The following NPC1 variants were observed in gnomAD, a reference collection of about 807,000 sequenced individuals.
NPC1 encodes NPC intracellular cholesterol transporter 1.
Under a neutral mutation model 140.4 loss-of-function variants are expected in NPC1, and 85 were observed. That is an observed-to-expected ratio of 0.61 (90% CI 0.51 to 0.72). NPC1 has a LOEUF of 0.72. Ranked by LOEUF, NPC1 falls within the 30% of genes least tolerant of loss-of-function variation. The probability of loss-of-function intolerance (pLI) is 0.00; values close to 1 mark genes in which losing one functional copy is unlikely to be tolerated. For synonymous variants in NPC1, 656 were observed against 624.8 expected (o/e 1.05, Z -0.74); for missense variants, 1,504 against 1,623.8 (o/e 0.93, Z 1.27).
chr18:23,533,329 C>G, intron 24 of NPC1, 26 bp downstream of exon 24: 1 of 1,608,478 alleles, frequency 6.2e-7, no homozygotes. Flanking sequence ...TCTATTGTGC[C>G]ACCCTTTTAA....
intron 1 of NPC1, among the ~76,000 whole-genome samples, chr18:23,575,068 G>A (rs1057182567): frequency 1.3e-5 from 2 of 152,196 alleles, no homozygotes; most frequent in East Asian, 3.8e-4. Context: ...CCTAGACCTC[G>A]CAGAACTCTC....
intron 4 of NPC1, among the ~76,000 whole-genome samples, chr18:23,567,678 T>C (rs1231463264): frequency 6.6e-6 from 1 of 152,158 alleles, no homozygotes; most frequent in African/African-American, 2.4e-5. Flanking sequence ...GCATTTAGAG[T>C]TTCTCTAAGG....
At chr18:23,515,155 T>A (rs920404277) in intron 3 of NPC1, among the ~76,000 whole-genome samples, 1 of 152,168 alleles carries the variant, frequency 6.6e-6, no homozygotes, top group Admixed American at 6.5e-5. Flanking sequence ...GGCCGTTTCC[T>A]GGATGAGGAG....
At chr18:23,537,486 T>C (rs1202924572) in intron 20 of NPC1, among the ~76,000 whole-genome samples, 1 of 152,154 alleles carries the variant, frequency 6.6e-6, no homozygotes. Context: ...TGTTGTGTAA[T>C]AGGAAGCAGG....
chr18:23,581,624 G>A (rs2059356610), intron 1 of NPC1, among the ~76,000 whole-genome samples: 1 of 152,028 alleles, frequency 6.6e-6, no homozygotes, highest in South Asian at 2.1e-4. Context: ...TTTGTCTCTA[G>A]TCTTATGTAA....
At chr18:23,544,614 G>A in intron 12 of NPC1, 88 bp from the exon 13 acceptor site, 1 of 1,182,524 alleles carries the variant, frequency 8.5e-7, no homozygotes, top group South Asian at 1.3e-5. Flanking sequence ...TTACTTTACA[G>A]GGCTGTATTA....
At chr18:23,543,697 C>A in intron 13 of NPC1, 128 bp from the exon 14 acceptor site, 2 of 665,120 alleles carry the variant, frequency 3.0e-6, no homozygotes, top group South Asian at 1.7e-5. Context: ...GTCTTCTAAG[C>A]ATATAAACTT....
chr18:23,532,878 G>A (rs2058558575), intron 24 of NPC1: 1 of 985,322 alleles, frequency 1.0e-6, no homozygotes, highest in Non-Finnish European at 1.2e-6. Flanking sequence ...GGTCATTTTT[G>A]TGCAAGGTGA....
chr18:23,570,429 T>C (rs571167144), intron 3 of NPC1, among the ~76,000 whole-genome samples: 3 of 152,360 alleles, frequency 2.0e-5, no homozygotes, highest in Non-Finnish European at 4.4e-5. Flanking sequence ...TCCATCAATG[T>C]TCACAAGCCT....
intron 1 of NPC1, among the ~76,000 whole-genome samples, chr18:23,523,924 G>A (rs1307524850): frequency 6.6e-6 from 1 of 152,056 alleles, no homozygotes; most frequent in East Asian, 1.9e-4. Flanking sequence ...TCTTTTTCTT[G>A]GTGAGATTTT....
chr18:23,567,952 T>C (rs774022125), intron 4 of NPC1, among the ~76,000 whole-genome samples: 1 of 151,936 alleles, frequency 6.6e-6, no homozygotes, highest in African/African-American at 2.4e-5. Flanking sequence ...AACAGTTGTT[T>C]ATATTCATAA....
At chr18:23,513,009 AGTGGC>A (rs1298438070) in intron 3 of NPC1, among the ~76,000 whole-genome samples, 1 of 152,024 alleles carries the variant, frequency 6.6e-6, no homozygotes, top group African/African-American at 2.4e-5. Context: ...GCTGGAGTGC[AGTGGC>A]GTGATCTCAG....
chr18:23,542,204 T>A (rs573468490), intron 14 of NPC1, among the ~76,000 whole-genome samples: 3 of 151,358 alleles, frequency 2.0e-5, no homozygotes, highest in Non-Finnish European at 2.9e-5. Flanking sequence ...GCTATTATCA[T>A]CACACTTGCA....
intron 3 of NPC1, chr18:23,509,356 A>AAT (rs10688887): frequency 0.027 from 11,559 of 426,112 alleles, 422 homozygotes; most frequent in East Asian, 0.19. Flanking sequence ...TTCAGTACTG[A>AAT]ATATATATAT....
intron 6 of NPC1, among the ~76,000 whole-genome samples, chr18:23,558,346 A>C (rs2058984798): frequency 6.6e-6 from 1 of 152,278 alleles, no homozygotes; most frequent in Non-Finnish European, 1.5e-5. Flanking sequence ...ACCAGGAAAG[A>C]GACGCATCAA....
rs78181160 is a variant in NPC1 at position 23,552,976 on chromosome 18, C to T, written c.1554-1249G>A. The stretch of plus-strand genomic sequence containing the variant: ...AAGCAGGTAAGGGCATGGTTCTGGG[C>T]AGGCCACCTGCCATTACTGCAGGAC... On this transcript the variant is annotated intron_variant, in intron 9 of 24. Transcript: ENST00000269228. Among the ~76,000 whole-genome samples the T allele has an allele frequency of 0.013, 1,990 of 152,342 alleles. 35 individuals are homozygous for T. The highest frequency in any genetic ancestry group is 0.045 in the African/African-American group (1,881 of 41,576).
intron 4 of NPC1, among the ~76,000 whole-genome samples, chr18:23,562,306 A>C (rs1438433909): frequency 2.6e-5 from 4 of 152,006 alleles, no homozygotes; most frequent in Admixed American, 6.6e-5. Context: ...CAAAAAAAAA[A>C]AACAAAAAAA....
intron 1 of NPC1, chr18:23,581,947 G>T (rs1445647227): frequency 6.6e-6 from 1 of 152,118 alleles, no homozygotes; most frequent in Non-Finnish European, 1.5e-5. Context: ...TAGTAATTAT[G>T]AACATTTACA....
downstream of NPC1, among the ~76,000 whole-genome samples, chr18:23,524,873 G>C (rs2058247605): frequency 6.7e-6 from 1 of 150,232 alleles, no homozygotes; most frequent in South Asian, 2.1e-4. Context: ...CCTCTTTCTG[G>C]CCTTGCTGAG....
Sources: gnomAD v4.1 joint callset for allele counts (sites outside exome capture counted in the v4.1 genomes callset) on GRCh38, gnomAD v4.1.1 for gene constraint, MANE v1.5 for transcripts, NCBI Gene and HGNC (gene_info 2026-07-23, HGNC 2026-07-21) for gene names.